Variants in MGAT5B observed in about 807,000 individuals in gnomAD.
MGAT5B encodes alpha-1,6-mannosylglycoprotein 6-beta-N-acetylglucosaminyltransferase B.
A neutral mutation model predicts 95.1 loss-of-function variants in MGAT5B; 54 were observed. The ratio of observed to expected loss-of-function variants is 0.57; its 90% CI spans 0.46 to 0.71. The LOEUF is 0.71. MGAT5B is among the 30% of genes least tolerant of loss of function. The pLI, the probability that MGAT5B is intolerant of heterozygous loss-of-function variation, is 0.00. For synonymous variants in MGAT5B, 464 were observed against 451.0 expected, an observed-to-expected ratio of 1.03 and a Z score of -0.36; for missense variants, 935 against 1,088.6, an observed-to-expected ratio of 0.86 and a Z score of 1.99.
chr17:76,909,942 C>A (rs923134353), intron 8 of MGAT5B, among the ~76,000 whole-genome samples: 2 of 152,130 alleles, frequency 1.3e-5, no homozygotes, highest in African/African-American at 4.8e-5. Flanking sequence ...GGGGCAGAGG[C>A]AGGTTGGTGC....
Position 76,938,263 on chromosome 17 carries a change from T to G in MGAT5B, c.1584+120T>G. On this transcript the variant is annotated intron_variant, in intron 13 of 17. Transcript: ENST00000569840. The surrounding 1 kb of genome is among the most constrained non-coding windows in gnomAD (Gnocchi z 4.3). ...CATATGGACATACCCCAGCATGCTC[T>G]GCTGCCCTGAGCCCCACATCTGGCC... 1 of 1,312,278 alleles carries G rather than the reference T, an allele frequency of 7.6e-7. No individual in the cohort carries two copies. The highest frequency in any genetic ancestry group is 1.1e-6 in the Non-Finnish European group (1 of 951,314). The allele number at this position is 1,312,278 out of a possible 1,614,324, so 81.3% of individuals were successfully genotyped here.
rs527672046 is a variant in MGAT5B, at chr17:76,902,442, G to A, written c.330-113G>A. The A allele has an allele frequency of 5.6e-5, 40 of 719,236 alleles. No individual in the cohort carries two copies. In the South Asian group the frequency reaches 7.0e-4, roughly 13 times the overall value. The allele number at this position is 719,236 out of a possible 1,614,324, so 44.6% of individuals were successfully genotyped here. A position where few individuals can be genotyped will look rare whatever the true frequency, so the allele number is the denominator to read the frequency against. On this transcript the variant is annotated intron_variant, in intron 3 of 17. Coordinates refer to ENST00000569840, the MANE Select transcript of MGAT5B (RefSeq NM_001199172.2). ...GTCTGCTTGGGGTCAGGGTTTGGGA[G>A]CCTGGGGCATTGCAGAGCCTGCCGC... is the stretch of plus-strand genomic sequence containing the variant.
chr17:76,897,705 CTTTCTTTCTTTCTTTCTTTCTTTTTCT>C (rs1968128477), intron 3 of MGAT5B, among the ~76,000 whole-genome samples: 5 of 96,204 alleles, frequency 5.2e-5, no homozygotes, highest in African/African-American at 2.7e-4. Flanking sequence ...TTCTTTCTTT[CTTTCTTTCTTTCTTTCTTTCTTTTTCT>C]TTTTTTTTTT....
At chr17:76,887,093 T>C (rs1310894250) in intron 3 of MGAT5B, among the ~76,000 whole-genome samples, 1 of 152,062 alleles carries the variant, frequency 6.6e-6, no homozygotes, top group African/African-American at 2.4e-5. Context: ...CCCCAGTTTA[T>C]GTCTTAAGCT....
In MGAT5B at chr17:76,906,156, C is replaced by T. The variant is rs751029852; in HGVS notation, c.994C>T (p.Arg332Trp). Residue 332 changes from arginine (R) to tryptophan (W), a missense_variant, in exon 8 of 18, where the codon CGG becomes TGG. Physicochemically the swap from Arg to Trp is moderately radical, Grantham distance 101 (BLOSUM62 -3). This residue lies in a region of MGAT5B where 243 missense variants were observed against 305.5 expected (regional missense o/e 0.80). Transcript: ENST00000569840. This position sits in a 1 kb window ranked among gnomAD's most constrained non-coding sequence, Gnocchi z 4.6. ...ACTCTATGTCCTGGGCCATGGCCTG[C>T]GGGTCACAGTCTCCCTGAAGGAGCT... ...TALYVLGHGLRVTVSLKELQS... is the reference protein window; with the variant it reads ...TALYVLGHGLWVTVSLKELQS... The T allele has an allele frequency of 6.9e-6, 11 of 1,605,222 alleles. No homozygotes were observed. The highest frequency in any genetic ancestry group is 5.4e-5 in the African/African-American group (4 of 73,978).
chr17:76,910,887 C>T (rs186322182), intron 8 of MGAT5B, among the ~76,000 whole-genome samples: 111 of 152,332 alleles, frequency 7.3e-4, no homozygotes, highest in African/African-American at 2.6e-3. Flanking sequence ...GCTCAGCTAC[C>T]TCAGGGGATC....
intron 12 of MGAT5B, among the ~76,000 whole-genome samples, chr17:76,936,280 C>G (rs763333150): frequency 2.0e-5 from 3 of 151,966 alleles, no homozygotes; most frequent in Non-Finnish European, 2.9e-5. Context: ...TGGTGGCGTG[C>G]GCCCGTAGTC....
In MGAT5B at chr17:76,948,801, G is replaced by A. The variant is rs1022074379; in HGVS notation, c.2342G>A (p.Arg781His). ...YRRLCPCRDF[R>H]KGQVALCQGC... ...CGGCTCTGCCCCTGCCGCGACTTCCGCAAGGGCCAGGTGGCCTTGTGCCAG... is the reference window on the plus strand; with the variant it reads ...CGGCTCTGCCCCTGCCGCGACTTCCACAAGGGCCAGGTGGCCTTGTGCCAG... The change falls in exon 18 of 18, where the codon CGC becomes CAC. Residue 781 changes from arginine to histidine, a missense_variant. By Grantham distance (29) the Arg-to-His change is conservative (BLOSUM62 0). Around this residue, in one of 4 missense-constraint regions of MGAT5B, gnomAD observed 440 missense variants for 523.6 expected, o/e 0.84. Transcript: ENST00000569840. 5 of 1,607,052 alleles carry A rather than the reference G, an allele frequency of 3.1e-6. No individual in the cohort carries two copies. The highest frequency in any genetic ancestry group is 3.4e-6 in the Non-Finnish European group (4 of 1,177,618).
intron 15 of MGAT5B, among the ~76,000 whole-genome samples, chr17:76,942,256 A>C (rs11870187): frequency 1.3e-5 from 2 of 152,028 alleles, no homozygotes; most frequent in Non-Finnish European, 2.9e-5. Flanking sequence ...GGCCAGGAGC[A>C]GGGGCTCACA....
chr17:76,887,487 C>G (rs1222399308), intron 3 of MGAT5B, among the ~76,000 whole-genome samples: 9 of 102,458 alleles, frequency 8.8e-5, no homozygotes, highest in African/African-American at 3.7e-4. Context: ...CCCTCCCTCC[C>G]TCCCTCCCTT....
At chr17:76,928,286 A>G (rs1179504426) in intron 10 of MGAT5B, among the ~76,000 whole-genome samples, 1 of 152,046 alleles carries the variant, frequency 6.6e-6, no homozygotes, top group African/African-American at 2.4e-5. Context: ...AAGCACAGGG[A>G]GCAGATTTCT....
In MGAT5B at chr17:76,934,918, A is replaced by G. The variant is rs531416887; in HGVS notation, c.1428+1621A>G. Among the ~76,000 whole-genome samples the G allele has an allele frequency of 2.6e-5, 4 of 152,262 alleles. No homozygotes were observed. In the South Asian group the frequency reaches 8.3e-4, roughly 32 times the overall value. ...AGTACAGGGGATCAGGTGGCCGAGA[A>G]GCAGAGGAGGAAGGAGGGGAGATGG... is the stretch of plus-strand genomic sequence containing the variant. On this transcript the variant is annotated intron_variant, in intron 12 of 17. Coordinates refer to ENST00000569840, the MANE Select transcript of MGAT5B (RefSeq NM_001199172.2).
At position 76,917,650 on chromosome 17, in the gene MGAT5B, A is replaced by C. The variant is rs1425373772; in HGVS notation, c.1026-7316A>C. Among the ~76,000 whole-genome samples the C allele has an allele frequency of 6.6e-6, 1 of 151,746 alleles. No homozygotes were observed. The highest frequency in any genetic ancestry group is 1.5e-5 in the Non-Finnish European group (1 of 67,936). On this transcript the variant is annotated intron_variant, in intron 8 of 17. Coordinates refer to ENST00000569840, the MANE Select transcript of MGAT5B (RefSeq NM_001199172.2). This position sits in a 1 kb window ranked among gnomAD's most constrained non-coding sequence, Gnocchi z 6.1. ...TCTTAGCTTTTGGCCCTCATCTCCC[A>C]CTGAGACTGCTCGAGTGGGATTGAC... is the stretch of plus-strand genomic sequence containing the variant.
At chr17:76,897,727 T>TTCTTTCTTTCTTTCTTTCTTTCTTTC (rs761586072) in intron 3 of MGAT5B, among the ~76,000 whole-genome samples, 1 of 72,450 alleles carries the variant, frequency 1.4e-5, no homozygotes, top group East Asian at 4.8e-4. Flanking sequence ...CTTTCTTTCT[T>TTCTTTCTTTCTTTCTTTCTTTCTTTC]TTTCTTTTTT....
intron 3 of MGAT5B, among the ~76,000 whole-genome samples, chr17:76,887,881 A>G (rs1007869321): frequency 4.6e-5 from 7 of 151,810 alleles, no homozygotes; most frequent in East Asian, 2.0e-4. Flanking sequence ...TAAGTCATCA[A>G]TAAGTGTCCA....
chr17:76,937,893 A>G (rs1474978576), intron 12 of MGAT5B, 95 bp from the exon 13 acceptor site: 2 of 1,479,122 alleles, frequency 1.4e-6, no homozygotes, highest in South Asian at 1.3e-5. Context: ...GACTGGGTCC[A>G]CATCTTCTGA....
intron 8 of MGAT5B, chr17:76,924,288 A>T (rs114820501): frequency 0.027 from 4,086 of 152,540 alleles, 174 homozygotes; most frequent in African/African-American, 0.093. Context: ...GCAGGAGGAG[A>T]TGACCCAGCA....
At chr17:76,886,988 G>C (rs1301973810) in intron 3 of MGAT5B, among the ~76,000 whole-genome samples, 3 of 152,302 alleles carry the variant, frequency 2.0e-5, no homozygotes, top group East Asian at 3.9e-4. Context: ...AGGCTGCACT[G>C]AGCTGAGATC....
At chr17:76,878,714 A>G (rs993647214) in intron 2 of MGAT5B, among the ~76,000 whole-genome samples, 1 of 152,152 alleles carries the variant, frequency 6.6e-6, no homozygotes, top group Non-Finnish European at 1.5e-5. Flanking sequence ...AGCTCAACCA[A>G]TCCATCCACC....
Sources: allele counts gnomAD v4.1 joint callset (sites outside exome capture counted in the v4.1 genomes callset), GRCh38; gene constraint gnomAD v4.1.1; regional missense constraint gnomAD v4.1.1; non-coding constraint Gnocchi (gnomAD v3.1); transcripts MANE v1.5; gene names NCBI Gene and HGNC (gene_info 2026-07-23, HGNC 2026-07-21).